DOCK2: variants seen among roughly 807,000 people sequenced by gnomAD.
DOCK2 encodes the protein dedicator of cytokinesis 2.
DOCK2 carries 87 observed loss-of-function variants against 248.9 expected under a neutral mutation model. The observed-to-expected ratio is 0.35, with a 90% CI of 0.29 to 0.42. The LOEUF is 0.42. DOCK2 is among the 10% of genes least tolerant of loss of function. The probability of loss-of-function intolerance (pLI) is 1.00; values close to 1 mark genes in which losing one functional copy is unlikely to be tolerated. For missense variants in DOCK2, 1,747 were observed against 2,300.2 expected (o/e 0.76, Z 4.92); for synonymous variants, 805 against 821.6 (o/e 0.98, Z 0.35).
At chr5:169,774,555 T>C (rs1222797206) in intron 25 of DOCK2, among the ~76,000 whole-genome samples, 2 of 152,206 alleles carry the variant, frequency 1.3e-5, no homozygotes, top group Non-Finnish European at 2.9e-5. Flanking sequence ...GGATGACTTC[T>C]GGAACAGAAG....
intron 25 of DOCK2, among the ~76,000 whole-genome samples, chr5:169,765,707 G>A (rs1278902646): frequency 1.3e-5 from 2 of 152,132 alleles, no homozygotes; most frequent in Non-Finnish European, 2.9e-5. Flanking sequence ...AAAGAGAGAG[G>A]GAAGAAGGGG....
intron 25 of DOCK2, among the ~76,000 whole-genome samples, chr5:169,800,576 G>A (rs946095914): frequency 9.2e-5 from 14 of 152,162 alleles, no homozygotes; most frequent in African/African-American, 3.1e-4. Context: ...TCTGAGAGAA[G>A]GGATATACTC....
At chr5:169,827,948 A>AGAGT (rs1261350171) in intron 26 of DOCK2, among the ~76,000 whole-genome samples, 1 of 152,112 alleles carries the variant, frequency 6.6e-6, no homozygotes, top group Non-Finnish European at 1.5e-5. Context: ...GTTGACAGAG[A>AGAGT]GAGTGAGTGA....
intron 27 of DOCK2, among the ~76,000 whole-genome samples, chr5:169,948,099 G>A (rs1561844700): frequency 6.6e-6 from 1 of 151,700 alleles, no homozygotes; most frequent in African/African-American, 2.4e-5. Flanking sequence ...CCACCATTCG[G>A]TACACACCCT....
chr5:169,787,793 T>C (rs1581189204), intron 25 of DOCK2, among the ~76,000 whole-genome samples: 1 of 151,822 alleles, frequency 6.6e-6, no homozygotes, highest in Non-Finnish European at 1.5e-5. Flanking sequence ...TTTTTTCCTC[T>C]TTTACCTCTT....
intron 26 of DOCK2, among the ~76,000 whole-genome samples, chr5:169,818,656 C>T (rs1218103094): frequency 1.3e-5 from 2 of 152,068 alleles, no homozygotes; most frequent in Admixed American, 1.3e-4. Flanking sequence ...CTGGTGGTGA[C>T]AGAGAAGGCA....
chr5:169,915,188 C>T (rs1774809261), intron 27 of DOCK2, among the ~76,000 whole-genome samples: 1 of 151,906 alleles, frequency 6.6e-6, no homozygotes, highest in Admixed American at 6.6e-5. Context: ...CTGGTGGAAG[C>T]CAAACAAATC....
chr5:169,756,250 C>A (rs367962951), intron 23 of DOCK2, among the ~76,000 whole-genome samples: 1 of 152,146 alleles, frequency 6.6e-6, no homozygotes, highest in South Asian at 2.1e-4. Context: ...TGTAAGTGTG[C>A]GGGCTGTGGA....
chr5:169,799,846 C>T (rs532827850), intron 25 of DOCK2, among the ~76,000 whole-genome samples: 4 of 152,130 alleles, frequency 2.6e-5, no homozygotes, highest in South Asian at 2.1e-4. Context: ...CTCACTCTGT[C>T]GCCCAGGCTG....
rs535877424 is a variant in DOCK2, at chr5:169,857,468, C to T, written c.2799+16616C>T. 1.8e-4 allele frequency among the ~76,000 whole-genome samples: 27 copies of T among 152,258 alleles called. 1 individual carries two copies. Among genetic ancestry groups the T allele is most frequent in the Admixed American group, 3.3e-4 (5 of 15,294 alleles). ...CTCAGGGATTACAGGTGCACGACACCGTACCCGGCCCCTCTCTCACTTCTC... is the reference window on the plus strand; with the variant it reads ...CTCAGGGATTACAGGTGCACGACACTGTACCCGGCCCCTCTCTCACTTCTC... On this transcript the variant is annotated intron_variant, in intron 27 of 51. Transcript: ENST00000520908.
chr5:170,082,989 C>G lies in DOCK2; in HGVS notation c.*131C>G. ...ATCAGTTGTCCTTACTTAGAGGAGA[C>G]AGAGAGGCCAATCAGGTCCCAGAGC... On this transcript the variant is annotated 3_prime_UTR_variant, in exon 52 of 52. Coordinates refer to ENST00000520908, the MANE Select transcript of DOCK2 (RefSeq NM_004946.3). 8.6e-7 allele frequency: 1 copy of G among 1,161,372 alleles called. No homozygotes were observed. The highest frequency in any genetic ancestry group is 1.4e-5 in the South Asian group (1 of 73,290). 71.9% of individuals were successfully genotyped at this position (1,161,372 alleles called of 1,614,324 possible). A position where few individuals can be genotyped will look rare whatever the true frequency, so the allele number is the denominator to read the frequency against.
intron 26 of DOCK2, among the ~76,000 whole-genome samples, chr5:169,807,123 A>C (rs1767424017): frequency 6.6e-6 from 1 of 152,116 alleles, no homozygotes; most frequent in Non-Finnish European, 1.5e-5. Context: ...AAAAGCAGTA[A>C]TACCTAGGCC....
At chr5:169,892,820 A>G (rs547417396) in intron 27 of DOCK2, among the ~76,000 whole-genome samples, 221 of 152,348 alleles carry the variant, frequency 1.5e-3, no homozygotes, top group African/African-American at 4.9e-3. Flanking sequence ...GAAAGGTTAC[A>G]AATCTAGCTG....
chr5:169,943,414 CCA>C (rs1200205036), intron 27 of DOCK2, among the ~76,000 whole-genome samples: 1 of 151,922 alleles, frequency 6.6e-6, no homozygotes, highest in East Asian at 1.9e-4. Context: ...GGAATATGGC[CCA>C]GACTTTTAAA....
chr5:169,688,626 A>G (rs1214281014), intron 8 of DOCK2, among the ~76,000 whole-genome samples: 1 of 152,186 alleles, frequency 6.6e-6, no homozygotes, highest in African/African-American at 2.4e-5. Flanking sequence ...AAAAATTTTC[A>G]GGTTTGGGAG....
At chr5:169,816,568 A>G (rs1768080789) in intron 26 of DOCK2, among the ~76,000 whole-genome samples, 1 of 152,184 alleles carries the variant, frequency 6.6e-6, no homozygotes, top group Admixed American at 6.5e-5. Context: ...TGCAGTTTAC[A>G]TTCTAGCACA....
At chr5:170,075,164 A>T (rs1757796021) in intron 46 of DOCK2, among the ~76,000 whole-genome samples, 2 of 152,038 alleles carry the variant, frequency 1.3e-5, no homozygotes, top group South Asian at 4.2e-4. Context: ...TTCATAATCT[A>T]CCCCTTTGCT....
At chr5:169,935,075 G>A (rs140233577) in intron 27 of DOCK2, among the ~76,000 whole-genome samples, 1,548 of 152,282 alleles carry the variant, frequency 0.01, 20 homozygotes, top group African/African-American at 0.036. Flanking sequence ...GTCCACGTGG[G>A]CAGGAAGCTA....
At chr5:169,670,258 A>C (rs1758972700) in intron 3 of DOCK2, among the ~76,000 whole-genome samples, 1 of 152,208 alleles carries the variant, frequency 6.6e-6, no homozygotes, top group Non-Finnish European at 1.5e-5. Context: ...ATGAGTGGCC[A>C]TAATGGGTTG....
Sources: gnomAD v4.1 joint callset for allele counts (sites outside exome capture counted in the v4.1 genomes callset) on GRCh38, gnomAD v4.1.1 for gene constraint, MANE v1.5 for transcripts, NCBI Gene and HGNC (gene_info 2026-07-23, HGNC 2026-07-21) for gene names.